The following HSD17B12 variants were observed in gnomAD, a reference collection of about 807,000 sequenced individuals.
HSD17B12 encodes hydroxysteroid 17-beta dehydrogenase 12.
Under a neutral mutation model 39.3 loss-of-function variants are expected in HSD17B12, and 32 were observed. The ratio of observed to expected loss-of-function variants is 0.81; its 90% CI spans 0.61 to 1.09. The LOEUF is 1.09. Among genes scored for constraint, HSD17B12 ranks in the 50% least tolerant of loss-of-function variants. The pLI is 0.00. For missense variants in HSD17B12, 342 were observed against 382.9 expected (o/e 0.89, Z 0.89); for synonymous variants, 150 against 146.7 (o/e 1.02, Z -0.16).
At chr11:43,613,426 AAAAC>A in the HSD17B12 span, among the ~76,000 whole-genome samples, 38 of 151,834 alleles carry the variant, frequency 2.5e-4, no homozygotes, top group African/African-American at 6.8e-4. Flanking sequence ...ACAACAAAAA[AAAAC>A]AAACGAACAA....
chr11:43,761,782 C>T (rs1590277631), intron 3 of HSD17B12, among the ~76,000 whole-genome samples: 2 of 152,298 alleles, frequency 1.3e-5, no homozygotes, highest in Non-Finnish European at 2.9e-5. Flanking sequence ...TAACTATATT[C>T]CCCCAGAGTG....
rs1461063754 is a variant in HSD17B12, at chr11:43,683,092, GTGTTTTTTTT to G, written c.160+2117_160+2126del. On this transcript the variant is annotated intron_variant, in intron 1 of 10. Coordinates refer to ENST00000278353, the MANE Select transcript of HSD17B12 (RefSeq NM_016142.3). ...CATGTGTGAGCCACCATGCCTGGAT[GTGTTTTTTTT>G]TGTTTTTTTTTTTTTTTCTCTTTAA... 9.5e-5 allele frequency among the ~76,000 whole-genome samples: 14 copies of G among 147,726 alleles called. No homozygotes were observed. In the East Asian group the frequency reaches 1.4e-3, roughly 15 times the overall value.
the HSD17B12 span, among the ~76,000 whole-genome samples, chr11:43,602,710 C>T: frequency 6.6e-6 from 1 of 152,066 alleles, no homozygotes; most frequent in African/African-American, 2.4e-5. Context: ...AGAGGAATAG[C>T]TCTAGGCTAT....
intron 6 of HSD17B12, among the ~76,000 whole-genome samples, chr11:43,819,091 A>T (rs923426952): frequency 1.3e-5 from 2 of 152,182 alleles, no homozygotes; most frequent in African/African-American, 4.8e-5. Context: ...ATGATAAAAT[A>T]TGTTTGTTTT....
At chr11:43,687,832 T>C (rs1949815777) in intron 1 of HSD17B12, among the ~76,000 whole-genome samples, 1 of 152,254 alleles carries the variant, frequency 6.6e-6, no homozygotes, top group African/African-American at 2.4e-5. Context: ...CCTAGAGTTA[T>C]TGCCGGCCCT....
At chr11:43,814,345 A>G (rs1308535338) in intron 4 of HSD17B12, among the ~76,000 whole-genome samples, 2 of 152,158 alleles carry the variant, frequency 1.3e-5, no homozygotes, top group Non-Finnish European at 2.9e-5. Context: ...GAGGAAAATA[A>G]TAATAGGAAC....
chr11:43,763,634 A>G (rs919644686), intron 3 of HSD17B12, among the ~76,000 whole-genome samples: 1 of 148,094 alleles, frequency 6.8e-6, no homozygotes, highest in African/African-American at 2.5e-5. Flanking sequence ...TATCTTATCT[A>G]CATATAAGAT....
At chr11:43,582,751 G>A in the HSD17B12 span, among the ~76,000 whole-genome samples, 2,372 of 152,288 alleles carry the variant, frequency 0.016, 56 homozygotes, top group African/African-American at 0.054. Flanking sequence ...CAGAGTCCGA[G>A]GGTGCTGGAC....
chr11:43,561,939 A>G, the HSD17B12 span, among the ~76,000 whole-genome samples: 1,073 of 152,256 alleles, frequency 7.0e-3, 11 homozygotes, highest in Middle Eastern at 0.027. Flanking sequence ...ATGTCTCATT[A>G]TTGTGGCACT....
chr11:43,758,679 A>T (rs1446125646), intron 3 of HSD17B12, among the ~76,000 whole-genome samples: 1 of 152,098 alleles, frequency 6.6e-6, no homozygotes, highest in African/African-American at 2.4e-5. Context: ...TGCCGTTTTT[A>T]TTCTATAAGT....
At chr11:43,622,016 T>A in the HSD17B12 span, among the ~76,000 whole-genome samples, 1 of 152,230 alleles carries the variant, frequency 6.6e-6, no homozygotes, top group South Asian at 2.1e-4. Context: ...GTTACTAAAC[T>A]GCCTCCTGTC....
the HSD17B12 span, among the ~76,000 whole-genome samples, chr11:43,602,511 G>C: frequency 9.2e-5 from 14 of 152,108 alleles, no homozygotes; most frequent in Admixed American, 5.2e-4. Flanking sequence ...AACTCCATGA[G>C]AGCAGGAATT....
At chr11:43,705,289 A>G (rs771643075) in intron 1 of HSD17B12, among the ~76,000 whole-genome samples, 2 of 152,248 alleles carry the variant, frequency 1.3e-5, no homozygotes, top group Non-Finnish European at 2.9e-5. Context: ...TATAAAACCA[A>G]AGAGTAGAGG....
intron 3 of HSD17B12, among the ~76,000 whole-genome samples, chr11:43,792,853 T>C (rs1047740329): frequency 6.6e-6 from 1 of 152,076 alleles, no homozygotes; most frequent in African/African-American, 2.4e-5. Flanking sequence ...CCTAATGTTC[T>C]GTCTTATACA....
chr11:43,748,448 T>G lies in HSD17B12; in HGVS notation c.161-2463T>G, dbSNP rs148417141. 2.2e-3 allele frequency among the ~76,000 whole-genome samples: 334 copies of G among 152,138 alleles called. 1 individual carries two copies. The highest frequency in any genetic ancestry group is 7.7e-3 in the African/African-American group (319 of 41,496). On this transcript the variant is annotated intron_variant, in intron 1 of 10. Coordinates refer to ENST00000278353, the MANE Select transcript of HSD17B12 (RefSeq NM_016142.3). ...AAATAAATATGCAAACAGTAGACAC[T>G]GTGGTCTACTAGAGGGTGGAGGGAA...
intron 5 of HSD17B12, among the ~76,000 whole-genome samples, chr11:43,815,916 T>G (rs544134328): frequency 6.6e-6 from 1 of 152,132 alleles, no homozygotes; most frequent in Non-Finnish European, 1.5e-5. Flanking sequence ...TCTACCAAAA[T>G]GAAAGTGACA....
the HSD17B12 span, among the ~76,000 whole-genome samples, chr11:43,623,369 G>A: frequency 6.6e-6 from 1 of 150,654 alleles, no homozygotes; most frequent in African/African-American, 2.4e-5. Flanking sequence ...AGAATGATAA[G>A]CAAAGCATTA....
At chr11:43,677,413 A>G (rs1044892753), upstream of HSD17B12, among the ~76,000 whole-genome samples, 10 of 152,178 alleles carry the variant, frequency 6.6e-5, no homozygotes, top group African/African-American at 2.4e-4. Flanking sequence ...GAAGGTAGAG[A>G]GTAAGTGTGA....
the HSD17B12 span, among the ~76,000 whole-genome samples, chr11:43,582,523 A>C: frequency 6.6e-6 from 1 of 152,172 alleles, no homozygotes; most frequent in Admixed American, 6.5e-5. Flanking sequence ...ACACATACAC[A>C]CATGAGTGCC....
Sources: allele counts gnomAD v4.1 joint callset (sites outside exome capture counted in the v4.1 genomes callset), GRCh38; gene constraint gnomAD v4.1.1; transcripts MANE v1.5; gene names NCBI Gene and HGNC (gene_info 2026-07-23, HGNC 2026-07-21).